The following LRCH2 variants were observed in gnomAD, a reference collection of about 807,000 sequenced individuals.
LRCH2 encodes the protein leucine rich repeats and calponin homology domain containing 2, also known as leucine-rich repeat and calponin homology domain-containing protein 2.
LRCH2 carries 38 observed loss-of-function variants against 68.9 expected under a neutral mutation model. The ratio of observed to expected loss-of-function variants is 0.55; its 90% CI spans 0.43 to 0.72. The LOEUF (loss-of-function observed/expected upper bound fraction) is 0.72. Ranked by LOEUF, LRCH2 falls within the 30% of genes least tolerant of loss-of-function variation. The pLI is 0.00. For synonymous variants in LRCH2, 191 were observed against 208.1 expected, an observed-to-expected ratio of 0.92 and a Z score of 0.71; for missense variants, 528 against 572.9, an observed-to-expected ratio of 0.92 and a Z score of 0.80.
At chrX:115,232,702 T>A (rs1429591732) in intron 1 of LRCH2, among the ~76,000 whole-genome samples, 2 of 112,006 alleles carry the variant, frequency 1.8e-5, no homozygotes, top group Non-Finnish European at 3.8e-5. Context: ...ATTAAAATAA[T>A]TTTGTCCAGA....
intron 1 of LRCH2, 44 bp from the exon 2 acceptor site, chrX:115,188,414 G>A (rs868929516): frequency 2.1e-6 from 2 of 933,347 alleles, no homozygotes; most frequent in East Asian, 3.5e-5. Context: ...CTATATCTAT[G>A]GTAATTAAAA....
At chrX:115,174,886 T>C (rs2072635407) in intron 5 of LRCH2, among the ~76,000 whole-genome samples, 1 of 111,455 alleles carries the variant, frequency 9.0e-6, no homozygotes, top group South Asian at 3.8e-4. Context: ...TGGGAGCTCC[T>C]GGATAGCCAC....
intron 1 of LRCH2, among the ~76,000 whole-genome samples, chrX:115,211,766 C>A (rs781821610): frequency 1.8e-5 from 2 of 111,159 alleles, no homozygotes; most frequent in Admixed American, 9.6e-5. Flanking sequence ...CACACACCCC[C>A]CCAAGATTGC....
intron 16 of LRCH2, among the ~76,000 whole-genome samples, chrX:115,125,708 G>C (rs1409898737): frequency 2.0e-5 from 2 of 98,476 alleles, no homozygotes; most frequent in African/African-American, 7.4e-5. Context: ...AATTTGGTAT[G>C]AATAGTCTTC....
intron 1 of LRCH2, among the ~76,000 whole-genome samples, chrX:115,221,210 A>AATAT (rs1204700596): frequency 4.0e-4 from 17 of 42,721 alleles, no homozygotes; most frequent in African/African-American, 2.1e-3. Flanking sequence ...AAAAAAAAAA[A>AATAT]ATATATATAT....
At chrX:115,212,937 C>T (rs1175203082) in intron 1 of LRCH2, among the ~76,000 whole-genome samples, 1 of 108,720 alleles carries the variant, frequency 9.2e-6, no homozygotes, top group Non-Finnish European at 1.9e-5. Context: ...TGCCACTGCA[C>T]TCCAGCCTGG....
Position 115,130,181 on chromosome X carries a change from T to C in LRCH2, c.1714A>G (p.Ser572Gly), listed in dbSNP as rs1556529494. The C allele has an allele frequency of 9.6e-7, 1 of 1,038,597 alleles. No individual in the cohort carries two copies. Among genetic ancestry groups the C allele is most frequent in the Middle Eastern group, 2.6e-4 (1 of 3,871 alleles). 85.6% of individuals were successfully genotyped at this position (1,038,597 alleles called of 1,213,427 possible). Residue 572 changes from serine to glycine, a missense_variant, in exon 15 of 21, where the codon AGT (serine) becomes GGT (glycine). Physicochemically the swap from Ser to Gly is moderately conservative, Grantham distance 56 (BLOSUM62 0). Transcript: ENST00000317135. Reference sequence around the variant, plus strand: ...TCATCATTTTCATTGCCACTTGAACTCTTCCTCATTGATTTATACTGAAAA... The same window carrying C: ...TCATCATTTTCATTGCCACTTGAACCCTTCCTCATTGATTTATACTGAAAA... ...EYFKYKSMRKSSSGNENDEQD... is the reference protein window; with the variant it reads ...EYFKYKSMRKGSSGNENDEQD...
intron 1 of LRCH2, among the ~76,000 whole-genome samples, chrX:115,211,759 A>ACCC (rs781895482): frequency 8.2e-4 from 90 of 109,841 alleles, no homozygotes; most frequent in Non-Finnish European, 1.1e-3. Flanking sequence ...CAACATCCAC[A>ACCC]CACCCCCCCA....
rs183515797 is a variant in LRCH2 at position 115,209,856 on chromosome X, G to A, written c.350-21486C>T. 1.6e-3 allele frequency among the ~76,000 whole-genome samples: 179 copies of A among 111,951 alleles called. 2 individuals carry two copies. Among genetic ancestry groups the A allele is most frequent in the Admixed American group, 3.3e-3 (35 of 10,570 alleles). ...GAACTTGTTGGGAACTGGAGCAAAG[G>A]TGACACTCTTGTTTTGTTTTAGCAA... On this transcript the variant is annotated intron_variant, in intron 1 of 20. Coordinates refer to ENST00000317135, the MANE Select transcript of LRCH2 (RefSeq NM_020871.4).
At chrX:115,190,480 G>A (rs2072784135) in intron 1 of LRCH2, 19 of 1,167,671 alleles carry the variant, frequency 1.6e-5, no homozygotes, top group South Asian at 5.7e-5. Context: ...CCGCTCGTCC[G>A]AGGCCTTGCC....
At chrX:115,194,691 G>T (rs2072874523) in intron 1 of LRCH2, among the ~76,000 whole-genome samples, 1 of 111,884 alleles carries the variant, frequency 8.9e-6, no homozygotes, top group Non-Finnish European at 1.9e-5. Flanking sequence ...ACTCATAGGG[G>T]ATGGCAAAGA....
rs782771118 is a variant in LRCH2 at position 115,192,076 on chromosome X, G to A, written c.350-3706C>T. 2.4e-5 allele frequency: 28 copies of A among 1,162,476 alleles called. No individual in the cohort carries two copies. The highest frequency in any genetic ancestry group is 2.3e-4 in the Middle Eastern group (1 of 4,280). Reference sequence around the variant, plus strand: ...CACCCACAGCAGGGGCCGATCGCCCGATGCCCACAGCGGGGACCACTACAC... The same window carrying A: ...CACCCACAGCAGGGGCCGATCGCCCAATGCCCACAGCGGGGACCACTACAC... On this transcript the variant is annotated intron_variant, in intron 1 of 20. Coordinates refer to ENST00000317135, the MANE Select transcript of LRCH2 (RefSeq NM_020871.4).
chrX:115,188,538 T>C (rs187769432), intron 1 of LRCH2, among the ~76,000 whole-genome samples, 168 bp from the exon 2 acceptor site: 3 of 112,465 alleles, frequency 2.7e-5, no homozygotes, highest in Admixed American at 9.4e-5. Context: ...CATTTAGAAA[T>C]ACACTCATAC....
At chrX:115,132,827 G>A (rs948814039) in intron 14 of LRCH2, among the ~76,000 whole-genome samples, 8 of 111,811 alleles carry the variant, frequency 7.2e-5, no homozygotes, top group Non-Finnish European at 1.5e-4. Flanking sequence ...AGTGATACTT[G>A]AGTGAATATG....
At chrX:115,197,629 G>A (rs1204879506) in intron 1 of LRCH2, among the ~76,000 whole-genome samples, 1 of 109,343 alleles carries the variant, frequency 9.1e-6, no homozygotes, top group Non-Finnish European at 1.9e-5. Flanking sequence ...GCACATGCTT[G>A]TAATCCCAAC....
At chrX:115,171,682 G>GA (rs1238189188) in intron 5 of LRCH2, among the ~76,000 whole-genome samples, 1 of 101,661 alleles carries the variant, frequency 9.8e-6, no homozygotes, top group East Asian at 3.0e-4. Context: ...TTGTTTTTTT[G>GA]TTTTTTTTTT....
chrX:115,188,525 C>T (rs1480345814), intron 1 of LRCH2, among the ~76,000 whole-genome samples, 155 bp from the exon 2 acceptor site: 1 of 112,381 alleles, frequency 8.9e-6, no homozygotes, highest in Non-Finnish European at 1.9e-5. Context: ...AGGCAAAAAA[C>T]ATCATTTAGA....
intron 16 of LRCH2, among the ~76,000 whole-genome samples, chrX:115,125,778 T>C (rs782530332): frequency 1.2e-4 from 13 of 105,385 alleles, no homozygotes; most frequent in Non-Finnish European, 2.5e-4. Flanking sequence ...TAGTCACTTA[T>C]ATGCTTATAC....
At position 115,197,847 on chromosome X, in the gene LRCH2, T is replaced by TCTCTCTCTCTCTCTCTCTCTCTCACA. The variant is rs782358260; in HGVS notation, c.350-9478_350-9477insTGTGAGAGAGAGAGAGAGAGAGAGAG. ...CTCTCTCTCTCTCTCTCTCTCTCTC[T>TCTCTCTCTCTCTCTCTCTCTCTCACA]CACACACACACACACACACACACAC... On this transcript the variant is annotated intron_variant, in intron 1 of 20. Transcript: ENST00000317135. Among the ~76,000 whole-genome samples, 5 of 20,567 alleles carry TCTCTCTCTCTCTCTCTCTCTCTCACA rather than the reference T, an allele frequency of 2.4e-4. 1 individual carries two copies. Among genetic ancestry groups the TCTCTCTCTCTCTCTCTCTCTCTCACA allele is most frequent in the African/African-American group, 9.6e-4 (5 of 5,184 alleles). 17.9% of individuals were successfully genotyped at this position (20,567 alleles called of 115,157 possible).
Sources: gnomAD v4.1 joint callset for allele counts (sites outside exome capture counted in the v4.1 genomes callset) on GRCh38, gnomAD v4.1.1 for gene constraint, MANE v1.5 for transcripts, NCBI Gene and HGNC (gene_info 2026-07-23, HGNC 2026-07-21) for gene names.